AMBRA1: variants seen among roughly 807,000 people sequenced by gnomAD.
AMBRA1 encodes the protein autophagy and beclin 1 regulator 1, also known as activating molecule in BECN1-regulated autophagy protein 1.
Under a neutral mutation model 125.4 loss-of-function variants are expected in AMBRA1, and 47 were observed. That is an observed-to-expected ratio of 0.37 (90% CI 0.30 to 0.48). AMBRA1 has a LOEUF of 0.48. Among genes scored for constraint, AMBRA1 ranks in the 20% least tolerant of loss-of-function variants. The pLI is 0.99. For missense variants in AMBRA1, 1,331 were observed against 1,693.4 expected, an observed-to-expected ratio of 0.79 and a Z score of 3.76; for synonymous variants, 626 against 655.5, an observed-to-expected ratio of 0.95 and a Z score of 0.69.
chr11:46,443,883 A>G lies in AMBRA1; in HGVS notation c.2522-285T>C, dbSNP rs531684129. On this transcript the variant is annotated intron_variant, in intron 11 of 17. Coordinates refer to ENST00000683756, the MANE Select transcript of AMBRA1 (RefSeq NM_001387011.1). ...ACAACGTGGCAGGTACTGTACATAC[A>G]TGGTCTGGTAGGCTCAACATCTAAA... Among the ~76,000 whole-genome samples, 4 of 152,348 alleles carry G rather than the reference A, an allele frequency of 2.6e-5. No homozygotes were observed. In the East Asian group the frequency reaches 5.8e-4, roughly 22 times the overall value.
At chr11:46,441,008 A>G (rs772675450) in intron 12 of AMBRA1, among the ~76,000 whole-genome samples, 2 of 152,210 alleles carry the variant, frequency 1.3e-5, no homozygotes, top group Non-Finnish European at 2.9e-5. Flanking sequence ...AATGTACTAC[A>G]AGGTTTGGTG....
chr11:46,517,781 A>T, intron 7 of AMBRA1, among the ~76,000 whole-genome samples: 1 of 149,972 alleles, frequency 6.7e-6, no homozygotes. Context: ...CAGTGAGCCA[A>T]GATCGCGCCA....
intron 7 of AMBRA1, among the ~76,000 whole-genome samples, chr11:46,527,859 G>A (rs1952046720): frequency 6.6e-6 from 1 of 152,082 alleles, no homozygotes; most frequent in African/African-American, 2.4e-5. Context: ...CTGTTGGTAG[G>A]ATTGTAAAAT....
At chr11:46,487,866 T>C (rs886130777) in intron 11 of AMBRA1, among the ~76,000 whole-genome samples, 4 of 151,986 alleles carry the variant, frequency 2.6e-5, no homozygotes, top group African/African-American at 9.7e-5. Context: ...AAAGCAGAGA[T>C]TGTCAGACTA....
In AMBRA1 at chr11:46,476,131, AAAT is replaced by A. The variant is rs563084892; in HGVS notation, c.2521+17474_2521+17476del. 6.2e-3 allele frequency among the ~76,000 whole-genome samples: 949 copies of A among 152,328 alleles called. 6 individuals carry two copies. Among genetic ancestry groups the A allele is most frequent in the African/African-American group, 0.021 (880 of 41,550 alleles). On this transcript the variant is annotated intron_variant, in intron 11 of 17. Transcript: ENST00000683756. ...CAAACCTCCAACACACAGTACCCAG[AAAT>A]AATAACAGAGAAGAGGAAAAAGTGT...
intron 2 of AMBRA1, 21 bp downstream of exon 2, chr11:46,548,225 A>C (rs1466118521): frequency 7.4e-6 from 12 of 1,613,876 alleles, no homozygotes; most frequent in Non-Finnish European, 1.0e-5. Context: ...ATCCTATGTG[A>C]AATATAGCCA....
chr11:46,586,172 C>A (rs2044393340), intron 1 of AMBRA1, among the ~76,000 whole-genome samples: 1 of 152,108 alleles, frequency 6.6e-6, no homozygotes, highest in Non-Finnish European at 1.5e-5. Context: ...TTAGGGAGAT[C>A]GAGGTGGGCA....
intron 14 of AMBRA1, among the ~76,000 whole-genome samples, chr11:46,430,491 T>C (rs1947404284): frequency 6.6e-6 from 1 of 152,266 alleles, no homozygotes; most frequent in African/African-American, 2.4e-5. Context: ...AGGACCCATG[T>C]AGTTCTACTG....
chr11:46,588,235 G>C (rs2135340953), intron 1 of AMBRA1, among the ~76,000 whole-genome samples: 1 of 152,272 alleles, frequency 6.6e-6, no homozygotes, highest in East Asian at 1.9e-4. Context: ...AGGAAGCTGA[G>C]GAGGGGGAAT....
chr11:46,422,244 T>A (rs1290561596), intron 14 of AMBRA1, among the ~76,000 whole-genome samples: 1 of 152,170 alleles, frequency 6.6e-6, no homozygotes, highest in African/African-American at 2.4e-5. Context: ...ATATGACGAA[T>A]GCTGACAGCA....
chr11:46,544,074 CAT>C, intron 5 of AMBRA1, 33 bp from the exon 6 acceptor site: 7 of 1,554,656 alleles, frequency 4.5e-6, no homozygotes, highest in Non-Finnish European at 6.2e-6. Flanking sequence ...CAAAGACACA[CAT>C]AGAGAGATTA....
At chr11:46,419,995 T>TACACACACACACGCAC in intron 14 of AMBRA1, among the ~76,000 whole-genome samples, 1 of 129,106 alleles carries the variant, frequency 7.7e-6, no homozygotes, top group East Asian at 2.3e-4. Context: ...GTGTCCTCAA[T>TACACACACACACGCAC]ACACACACAC....
Position 46,435,021 on chromosome 11 carries a change from C to A in AMBRA1, c.2649G>T (p.Leu883=). The change falls in exon 13 of 18, where the codon CTG becomes CTT. Residue 883 remains leucine (L), a synonymous_variant. Coordinates refer to ENST00000683756, the MANE Select transcript of AMBRA1 (RefSeq NM_001387011.1). ...CATTGTAGATCTTGCAGTTCTGCACCAGCACATTCACGGAAGCTGCATCAG... is the reference window on the plus strand; with the variant it reads ...CATTGTAGATCTTGCAGTTCTGCACAAGCACATTCACGGAAGCTGCATCAG... The part of the protein sequence containing the change: ...PEISNASVNV[L]VQNCKIYNDA... 1 of 1,608,874 alleles carries A rather than the reference C, an allele frequency of 6.2e-7. No homozygotes were observed. Among genetic ancestry groups the A allele is most frequent in the East Asian group, 2.2e-5 (1 of 44,788 alleles).
chr11:46,528,182 TA>T (rs1161137975), intron 7 of AMBRA1, among the ~76,000 whole-genome samples: 1 of 152,210 alleles, frequency 6.6e-6, no homozygotes, highest in Non-Finnish European at 1.5e-5. Context: ...TTTATTTATT[TA>T]TTTTTTGGAG....
Position 46,408,550 on chromosome 11 carries a change from C to A in AMBRA1, c.3366G>T (p.Val1122=). 3 of 1,590,756 alleles carry A rather than the reference C, an allele frequency of 1.9e-6. No homozygotes were observed. The highest frequency in any genetic ancestry group is 1.1e-5 in the South Asian group (1 of 88,400). Residue 1122 remains valine (V), a synonymous_variant, in exon 17 of 18, where the codon GTG becomes GTT. Transcript: ENST00000683756. ...QNAETQTERE[V]PEPGTAASGP... is the part of the protein sequence containing the mutation. ...CTGAGGCGGCTGTCCCTGGCTCCGG[C>A]ACCTCCCTCTCAGTCTGTGTTTCGG...
At chr11:46,435,387 A>T (rs1364956367) in intron 12 of AMBRA1, among the ~76,000 whole-genome samples, 1 of 152,220 alleles carries the variant, frequency 6.6e-6, no homozygotes, top group Non-Finnish European at 1.5e-5. Context: ...TGTCCCAGAG[A>T]TCAAAACCAA....
Position 46,543,443 on chromosome 11 carries a change from T to A in AMBRA1, c.619-45A>T, listed in dbSNP as rs200517459. On this transcript the variant is annotated intron_variant, in intron 6 of 17. Transcript: ENST00000683756. The stretch of plus-strand genomic sequence containing the variant: ...GGGGCAGGGGGTAGAGCAAGGCAGT[T>A]AGGTAGAACCTCCAAGTAAATCAAG... The A allele has an allele frequency of 5.6e-5, 89 of 1,589,492 alleles. No homozygotes were observed. In the Admixed American group the frequency reaches 8.2e-4, roughly 15 times the overall value.
chr11:46,569,990 G>A (rs1162158657), intron 1 of AMBRA1, among the ~76,000 whole-genome samples: 3 of 151,488 alleles, frequency 2.0e-5, no homozygotes, highest in South Asian at 2.1e-4. Context: ...GGCCAGGCAC[G>A]GTGGCTCACG....
rs577271663 is a variant in AMBRA1 at position 46,397,747 on chromosome 11, G to A, written c.3600C>T (p.Ala1200=). 103 of 1,612,754 alleles carry A rather than the reference G, an allele frequency of 6.4e-5. No individual in the cohort carries two copies. The highest frequency in any genetic ancestry group is 3.3e-4 in the Middle Eastern group (2 of 6,062). The change falls in exon 18 of 18, where the codon GCC becomes GCT. Residue 1200 remains alanine (A), a synonymous_variant. Transcript: ENST00000683756. The part of the protein sequence containing the change: ...RSSQTGTEPG[A]AHTSSPQPST... ...AGGGCTGGGGTGAGGAGGTGTGGGCGGCACCAGGTTCAGTGCCCGTCTGAG... is the reference window on the plus strand; with the variant it reads ...AGGGCTGGGGTGAGGAGGTGTGGGCAGCACCAGGTTCAGTGCCCGTCTGAG...
Sources: allele counts gnomAD v4.1 joint callset (sites outside exome capture counted in the v4.1 genomes callset), GRCh38; gene constraint gnomAD v4.1.1; transcripts MANE v1.5; gene names NCBI Gene and HGNC (gene_info 2026-07-23, HGNC 2026-07-21).